Variants in SLC22A3 observed in about 807,000 individuals in gnomAD.
SLC22A3 encodes the protein solute carrier family 22 member 3.
Under a neutral mutation model 59.1 loss-of-function variants are expected in SLC22A3, and 51 were observed. That is an observed-to-expected ratio of 0.86 (90% CI 0.69 to 1.09). The LOEUF is 1.09. Among genes scored for constraint, SLC22A3 ranks in the 50% least tolerant of loss-of-function variants. The probability of loss-of-function intolerance (pLI) is 0.00; values close to 1 mark genes in which losing one functional copy is unlikely to be tolerated. For missense variants in SLC22A3, 711 were observed against 726.3 expected (o/e 0.98, Z 0.24); for synonymous variants, 325 against 292.0 (o/e 1.11, Z -1.15).
chr6:160,350,701 C>T (rs934858046), intron 1 of SLC22A3, among the ~76,000 whole-genome samples: 1 of 152,144 alleles, frequency 6.6e-6, no homozygotes, highest in Non-Finnish European at 1.5e-5. Context: ...TCAAAGAAGA[C>T]AGACATAAAA....
At chr6:160,363,170 G>A (rs1464570498) in intron 1 of SLC22A3, among the ~76,000 whole-genome samples, 1 of 152,260 alleles carries the variant, frequency 6.6e-6, no homozygotes, top group African/African-American at 2.4e-5. Flanking sequence ...GGAAGGGGGC[G>A]ATGGTCCAGC....
intron 5 of SLC22A3, among the ~76,000 whole-genome samples, chr6:160,429,553 A>G (rs1001395920): frequency 1.3e-5 from 2 of 152,100 alleles, no homozygotes; most frequent in African/African-American, 4.8e-5. Context: ...ATGAGGTGGG[A>G]TTGCTGTTCC....
intron 2 of SLC22A3, among the ~76,000 whole-genome samples, chr6:160,398,412 C>T (rs555763137): frequency 6.6e-6 from 1 of 152,196 alleles, no homozygotes; most frequent in Non-Finnish European, 1.5e-5. Flanking sequence ...TCAATCAATT[C>T]GATGTGCTTC....
At chr6:160,373,770 G>C (rs1785487709) in intron 1 of SLC22A3, among the ~76,000 whole-genome samples, 1 of 152,174 alleles carries the variant, frequency 6.6e-6, no homozygotes. Context: ...GGTGAGCTCT[G>C]TCCAGTTCAA....
At chr6:160,439,481 T>C (rs2114919181) in intron 7 of SLC22A3, among the ~76,000 whole-genome samples, 1 of 152,324 alleles carries the variant, frequency 6.6e-6, no homozygotes, top group African/African-American at 2.4e-5. Context: ...GGGATGACTT[T>C]AATGTTTGTT....
chr6:160,387,959 G>T (rs1170763770), intron 1 of SLC22A3, among the ~76,000 whole-genome samples: 1 of 152,078 alleles, frequency 6.6e-6, no homozygotes, highest in Admixed American at 6.5e-5. Context: ...AGAAAATGGG[G>T]GTCTCAGTCC....
chr6:160,405,420 G>T (rs1026665954), intron 2 of SLC22A3, among the ~76,000 whole-genome samples: 1 of 152,216 alleles, frequency 6.6e-6, no homozygotes, highest in Non-Finnish European at 1.5e-5. Flanking sequence ...TGCTGACTAG[G>T]ATGTGGAACA....
At chr6:160,426,004 C>A in intron 5 of SLC22A3, 1 of 985,338 alleles carries the variant, frequency 1.0e-6, no homozygotes, top group Non-Finnish European at 1.2e-6. Context: ...TGCCTTAAGC[C>A]GCACAAAGGA....
chr6:160,402,928 T>C (rs1786842835), intron 2 of SLC22A3, among the ~76,000 whole-genome samples: 1 of 151,450 alleles, frequency 6.6e-6, no homozygotes, highest in Non-Finnish European at 1.5e-5. Context: ...TGAATACATA[T>C]ATTAGAAAAG....
intron 9 of SLC22A3, among the ~76,000 whole-genome samples, chr6:160,445,601 G>A (rs1417335657): frequency 6.6e-6 from 1 of 152,204 alleles, no homozygotes; most frequent in African/African-American, 2.4e-5. Context: ...GACAATTCAA[G>A]GATGTCATCA....
At chr6:160,426,644 T>C (rs1787964154) in intron 5 of SLC22A3, among the ~76,000 whole-genome samples, 1 of 152,374 alleles carries the variant, frequency 6.6e-6, no homozygotes, top group African/African-American at 2.4e-5. Flanking sequence ...ACCCAACTTG[T>C]TCATGTGTGA....
intron 7 of SLC22A3, among the ~76,000 whole-genome samples, chr6:160,441,298 C>T (rs917770976): frequency 1.3e-5 from 2 of 152,118 alleles, no homozygotes; most frequent in Non-Finnish European, 2.9e-5. Context: ...AGTCTCCACT[C>T]CCCCCTTTTC....
In SLC22A3 at chr6:160,450,852, G is replaced by C; in HGVS notation, c.1611-144G>C. On this transcript the variant is annotated intron_variant, in intron 10 of 10. Coordinates refer to ENST00000275300, the MANE Select transcript of SLC22A3 (RefSeq NM_021977.4). ...TGAACACAGACAAAAAATGATCCTG[G>C]AGACAGATATTGTTGTTACCTTAGA... 3.8e-6 allele frequency: 3 copies of C among 785,630 alleles called. No individual in the cohort carries two copies. The Admixed American group carries it at 6.5e-5, about 17-fold the overall frequency. The allele number at this position is 785,630 out of a possible 1,614,324, so 48.7% of individuals were successfully genotyped here.
chr6:160,442,900 A>G, intron 8 of SLC22A3, 31 bp downstream of exon 8: 1 of 1,518,004 alleles, frequency 6.6e-7, no homozygotes, highest in Middle Eastern at 1.7e-4. Context: ...AGTTTCTCCT[A>G]AGTAACTCTG....
rs925494284 is a variant in SLC22A3 at position 160,388,341 on chromosome 6, C to T, written c.430-9638C>T. On this transcript the variant is annotated intron_variant, in intron 1 of 10. Coordinates refer to ENST00000275300, the MANE Select transcript of SLC22A3 (RefSeq NM_021977.4). Reference sequence around the variant, plus strand: ...AATACATTATGTTGTGGTTCTCAAACGTGAGTGTGCATCAGAATCCCCTGG... The same window carrying T: ...AATACATTATGTTGTGGTTCTCAAATGTGAGTGTGCATCAGAATCCCCTGG... 3.3e-4 allele frequency among the ~76,000 whole-genome samples: 51 copies of T among 152,242 alleles called. 1 individual carries two copies. The highest frequency in any genetic ancestry group is 5.8e-4 in the East Asian group (3 of 5,190).
intron 2 of SLC22A3, among the ~76,000 whole-genome samples, chr6:160,404,818 T>C (rs1394248386): frequency 6.7e-6 from 1 of 149,924 alleles, no homozygotes; most frequent in East Asian, 1.9e-4. Context: ...AACTGACCTT[T>C]GACAAAGCAG....
chr6:160,448,873 G>A (rs528490919), intron 10 of SLC22A3, among the ~76,000 whole-genome samples: 5 of 152,132 alleles, frequency 3.3e-5, no homozygotes, highest in Non-Finnish European at 7.4e-5. Flanking sequence ...ATTAGAACAC[G>A]TAGTCTTGTG....
intron 1 of SLC22A3, among the ~76,000 whole-genome samples, chr6:160,380,034 A>G (rs1161138975): frequency 6.6e-6 from 1 of 152,178 alleles, no homozygotes; most frequent in Non-Finnish European, 1.5e-5. Context: ...TTTTTCACAT[A>G]ATGAGGCTAA....
intron 1 of SLC22A3, among the ~76,000 whole-genome samples, chr6:160,371,414 T>C (rs781134270): frequency 7.9e-5 from 12 of 152,302 alleles, no homozygotes; most frequent in Non-Finnish European, 1.6e-4. Context: ...CTCCCACTTA[T>C]GAGTGAGAAC....
Sources: gnomAD v4.1 joint callset for allele counts (sites outside exome capture counted in the v4.1 genomes callset) on GRCh38, gnomAD v4.1.1 for gene constraint, MANE v1.5 for transcripts, NCBI Gene and HGNC (gene_info 2026-07-23, HGNC 2026-07-21) for gene names.